Variants in BMPR1A observed in about 807,000 individuals in gnomAD.
BMPR1A encodes bone morphogenetic protein receptor type-1A.
Under a neutral mutation model 66.0 loss-of-function variants are expected in BMPR1A, and 7 were observed. The observed-to-expected ratio is 0.11, with a 90% CI of 0.06 to 0.20. The LOEUF (loss-of-function observed/expected upper bound fraction) is 0.20. BMPR1A is among the 10% of genes least tolerant of loss of function. BMPR1A has a pLI of 1.00. For missense variants in BMPR1A, 408 were observed against 669.1 expected, an observed-to-expected ratio of 0.61 and a Z score of 4.31; for synonymous variants, 200 against 229.7, an observed-to-expected ratio of 0.87 and a Z score of 1.17.
At chr10:86,798,440 T>G (rs1405024604) in intron 1 of BMPR1A, among the ~76,000 whole-genome samples, 2 of 152,246 alleles carry the variant, frequency 1.3e-5, no homozygotes, top group East Asian at 3.8e-4. Flanking sequence ...TAAATGTTCC[T>G]TGAGCCTTAG....
At chr10:86,804,871 C>T (rs1437507641) in intron 1 of BMPR1A, among the ~76,000 whole-genome samples, 4 of 113,820 alleles carry the variant, frequency 3.5e-5, no homozygotes, top group Non-Finnish European at 6.8e-5. Flanking sequence ...AATTTATTGT[C>T]TCCCAATTCT....
chr10:86,770,209 TGAGC>T (rs1564678514), intron 1 of BMPR1A, among the ~76,000 whole-genome samples: 1 of 152,192 alleles, frequency 6.6e-6, no homozygotes, highest in East Asian at 1.9e-4. Context: ...CAGATTGGCT[TGAGC>T]CCAGGAGGTT....
intron 1 of BMPR1A, among the ~76,000 whole-genome samples, chr10:86,800,836 G>A (rs981478997): frequency 6.6e-6 from 1 of 152,208 alleles, no homozygotes; most frequent in African/African-American, 2.4e-5. Flanking sequence ...GAGAAGATAC[G>A]TAATGAAAAA....
At chr10:86,872,799 A>C (rs189347280) in intron 2 of BMPR1A, among the ~76,000 whole-genome samples, 83 of 152,260 alleles carry the variant, frequency 5.5e-4, no homozygotes, top group African/African-American at 1.9e-3. Flanking sequence ...GCTGGAGTGC[A>C]GTGGCTCTTA....
intron 1 of BMPR1A, among the ~76,000 whole-genome samples, chr10:86,769,894 G>T (rs1260228143): frequency 6.7e-6 from 1 of 150,296 alleles, no homozygotes; most frequent in Non-Finnish European, 1.5e-5. Context: ...TGGAGGGGTG[G>T]CAGTGACCTT....
chr10:86,781,221 G>A (rs1236133883), intron 1 of BMPR1A, among the ~76,000 whole-genome samples: 8 of 152,102 alleles, frequency 5.3e-5, no homozygotes, highest in Non-Finnish European at 1.0e-4. Flanking sequence ...GGTGAGTGTT[G>A]GGCGTCTGCT....
intron 3 of BMPR1A, among the ~76,000 whole-genome samples, chr10:86,885,326 A>G (rs1042349358): frequency 5.9e-5 from 9 of 152,162 alleles, no homozygotes; most frequent in Non-Finnish European, 1.0e-4. Context: ...ACTCATGTTC[A>G]TTTTTTTACA....
chr10:86,789,763 T>C (rs1451551062), intron 1 of BMPR1A, among the ~76,000 whole-genome samples: 3 of 150,444 alleles, frequency 2.0e-5, no homozygotes, highest in Non-Finnish European at 4.4e-5. Flanking sequence ...ACCAAAAATC[T>C]AATTTAAAAA....
chr10:86,834,716 A>G (rs916238796), intron 1 of BMPR1A, among the ~76,000 whole-genome samples: 6 of 152,210 alleles, frequency 3.9e-5, no homozygotes, highest in Non-Finnish European at 8.8e-5. Context: ...GTAACTGTTC[A>G]TTTGAGTTAT....
intron 2 of BMPR1A, among the ~76,000 whole-genome samples, chr10:86,852,256 G>A (rs1304724024): frequency 6.6e-6 from 1 of 152,098 alleles, no homozygotes; most frequent in Non-Finnish European, 1.5e-5. Context: ...TGTAGGAAGT[G>A]AATAACAAAC....
At chr10:86,798,430 T>G (rs1277206387) in intron 1 of BMPR1A, among the ~76,000 whole-genome samples, 1 of 152,358 alleles carries the variant, frequency 6.6e-6, no homozygotes. Context: ...TTTAATTACT[T>G]AAATGTTCCT....
intron 1 of BMPR1A, among the ~76,000 whole-genome samples, chr10:86,765,989 C>T (rs199758314): frequency 1.7e-4 from 22 of 131,810 alleles, no homozygotes; most frequent in East Asian, 5.8e-4. Flanking sequence ...TTTCCTCATT[C>T]TTTTTTTTTT....
At chr10:86,817,543 C>T (rs1842052310) in intron 1 of BMPR1A, among the ~76,000 whole-genome samples, 1 of 152,102 alleles carries the variant, frequency 6.6e-6, no homozygotes, top group Non-Finnish European at 1.5e-5. Flanking sequence ...AATAATGCTG[C>T]CATTAACGTG....
intron 2 of BMPR1A, among the ~76,000 whole-genome samples, chr10:86,858,226 C>G (rs1189676680): frequency 6.6e-6 from 1 of 152,168 alleles, no homozygotes; most frequent in East Asian, 1.9e-4. Context: ...TCTCAGCAAA[C>G]TAGGAAGGGA....
At chr10:86,807,375 C>A (rs1841902300) in intron 1 of BMPR1A, among the ~76,000 whole-genome samples, 2 of 151,816 alleles carry the variant, frequency 1.3e-5, no homozygotes, top group African/African-American at 4.8e-5. Flanking sequence ...ATGCATAGTT[C>A]TTTTTTGACT....
intron 5 of BMPR1A, among the ~76,000 whole-genome samples, chr10:86,892,983 C>T (rs745903110): frequency 6.6e-6 from 1 of 151,326 alleles, no homozygotes; most frequent in Non-Finnish European, 1.5e-5. Context: ...TTGCAGCTAA[C>T]GTTTCTTTAA....
chr10:86,771,021 C>T lies in BMPR1A; in HGVS notation c.-268+14102C>T, dbSNP rs376542817. 3.3e-5 allele frequency among the ~76,000 whole-genome samples: 5 copies of T among 152,274 alleles called. No individual in the cohort carries two copies. In the East Asian group the frequency reaches 7.7e-4, roughly 23 times the overall value. The stretch of plus-strand genomic sequence containing the variant: ...GAGGCTGTCACAGTACTATAGATGA[C>T]CATTTGATCTTCTCAGTGGCCTGTT... On this transcript the variant is annotated intron_variant, in intron 1 of 12. Coordinates refer to ENST00000372037, the MANE Select transcript of BMPR1A (RefSeq NM_004329.3).
chr10:86,818,383 T>C (rs573040073), intron 1 of BMPR1A, among the ~76,000 whole-genome samples: 19 of 152,296 alleles, frequency 1.2e-4, no homozygotes, highest in African/African-American at 4.1e-4. Context: ...TTTTTTGTTT[T>C]AAAATTTATT....
At chr10:86,852,526 A>G (rs919392485) in intron 2 of BMPR1A, among the ~76,000 whole-genome samples, 2 of 152,216 alleles carry the variant, frequency 1.3e-5, no homozygotes, top group East Asian at 1.9e-4. Flanking sequence ...TGATAACACC[A>G]TTACACTCTA....
Sources: gnomAD v4.1 joint callset for allele counts (sites outside exome capture counted in the v4.1 genomes callset) on GRCh38, gnomAD v4.1.1 for gene constraint, MANE v1.5 for transcripts, NCBI Gene and HGNC (gene_info 2026-07-23, HGNC 2026-07-21) for gene names.